The following PTPRO variants were observed in gnomAD, a reference collection of about 807,000 sequenced individuals.
The protein encoded by PTPRO is receptor-type tyrosine-protein phosphatase O.
Under a neutral mutation model 145.2 loss-of-function variants are expected in PTPRO, and 62 were observed. The ratio of observed to expected loss-of-function variants is 0.43; its 90% confidence interval spans 0.35 to 0.53. The LOEUF is 0.53. Ranked by LOEUF, PTPRO falls within the 20% of genes least tolerant of loss-of-function variation. The probability of loss-of-function intolerance (pLI) is 0.01; values close to 1 mark genes in which losing one functional copy is unlikely to be tolerated. For missense variants in PTPRO, 1,345 were observed against 1,482.7 expected, an observed-to-expected ratio of 0.91 and a Z score of 1.53; for synonymous variants, 565 against 514.7, an observed-to-expected ratio of 1.10 and a Z score of -1.32.
intron 1 of PTPRO, among the ~76,000 whole-genome samples, chr12:15,382,189 T>C (rs1199457151): frequency 2.7e-5 from 4 of 149,980 alleles, no homozygotes; most frequent in Non-Finnish European, 5.9e-5. Flanking sequence ...TATATTTATA[T>C]ATATGGGATT....
intron 1 of PTPRO, among the ~76,000 whole-genome samples, chr12:15,424,415 A>G (rs1940228296): frequency 6.6e-6 from 1 of 152,168 alleles, no homozygotes; most frequent in African/African-American, 2.4e-5. Context: ...TTATCCATGA[A>G]AATAAAACAG....
intron 1 of PTPRO, among the ~76,000 whole-genome samples, chr12:15,401,311 T>C (rs2136299311): frequency 6.6e-6 from 1 of 152,320 alleles, no homozygotes; most frequent in Non-Finnish European, 1.5e-5. Context: ...TCTCCCCATA[T>C]GCAACTATAA....
intron 25 of PTPRO, among the ~76,000 whole-genome samples, chr12:15,592,843 T>C (rs1367996354): frequency 6.6e-6 from 1 of 152,246 alleles, no homozygotes; most frequent in African/African-American, 2.4e-5. Context: ...TTTTATCGAA[T>C]ATTTTGTTTG....
chr12:15,382,866 G>A (rs926430738), intron 1 of PTPRO, among the ~76,000 whole-genome samples: 2 of 152,010 alleles, frequency 1.3e-5, no homozygotes, highest in African/African-American at 2.4e-5. Flanking sequence ...ATATTTATGG[G>A]GTACAGCGTT....
intron 12 of PTPRO, among the ~76,000 whole-genome samples, chr12:15,540,568 A>G (rs949158613): frequency 2.6e-5 from 4 of 152,262 alleles, no homozygotes; most frequent in African/African-American, 7.2e-5. Context: ...TTAATGAGTC[A>G]CATTAAAAGA....
At chr12:15,377,321 A>T (rs925477197) in intron 1 of PTPRO, among the ~76,000 whole-genome samples, 1 of 152,200 alleles carries the variant, frequency 6.6e-6, no homozygotes, top group South Asian at 2.1e-4. Context: ...GAGCTACTAT[A>T]ATGGCAAATG....
intron 15 of PTPRO, among the ~76,000 whole-genome samples, chr12:15,555,463 G>A (rs1943596212): frequency 1.3e-5 from 2 of 152,146 alleles, no homozygotes; most frequent in Admixed American, 1.3e-4. Flanking sequence ...GAAGCTAGGG[G>A]AACAATGTGT....
intron 3 of PTPRO, 78 bp from the exon 4 acceptor site, chr12:15,499,364 A>G (rs1942171374): frequency 1.4e-6 from 2 of 1,387,212 alleles, no homozygotes; most frequent in East Asian, 2.3e-5. Context: ...ATGTTTAGCC[A>G]TAATTGTTTC....
chr12:15,418,262 C>G (rs944337433), intron 1 of PTPRO, among the ~76,000 whole-genome samples: 3 of 151,708 alleles, frequency 2.0e-5, no homozygotes, highest in Admixed American at 2.0e-4. Flanking sequence ...ACAACAGGCC[C>G]TACATATTAG....
In PTPRO at chr12:15,501,980, T is replaced by C; in HGVS notation, c.1022T>C (p.Phe341Ser). 6.2e-7 allele frequency: 1 copy of C among 1,614,026 alleles called. No homozygotes were observed. Among genetic ancestry groups the C allele is most frequent in the Non-Finnish European group, 8.5e-7 (1 of 1,179,918 alleles). ...TCAACATCAGGCTCTTTCTCCTTTT[T>C]CCCTGTGCAAATGATATTGACCTGG... ...EKSTSGSFSF[F>S]PVQMILTWLP... is the part of the protein sequence containing the mutation. The change falls in exon 5 of 27, where the codon TTC (phenylalanine) becomes TCC (serine). Residue 341 changes from phenylalanine (F) to serine (S), a missense_variant. Transcript: ENST00000281171.
chr12:15,498,615 CTT>C (rs68164507), intron 3 of PTPRO, among the ~76,000 whole-genome samples: 81 of 151,984 alleles, frequency 5.3e-4, no homozygotes, highest in Non-Finnish European at 1.0e-3. Context: ...TTTTTTTAAA[CTT>C]TGAAAAAATC....
At chr12:15,440,100 T>C (rs1940719212) in intron 1 of PTPRO, 2 of 632,810 alleles carry the variant, frequency 3.2e-6, no homozygotes, top group Admixed American at 2.3e-5. Context: ...TCTGTGCTGG[T>C]GCACCTCATC....
At chr12:15,347,435 T>A (rs185467076) in intron 1 of PTPRO, among the ~76,000 whole-genome samples, 220 of 152,300 alleles carry the variant, frequency 1.4e-3, no homozygotes, top group African/African-American at 5.0e-3. Context: ...AAAGAGACTG[T>A]CTTATATTCA....
Position 15,456,443 on chromosome 12 carries a change from T to C in PTPRO, c.76-27531T>C, listed in dbSNP as rs77430400. ...GGCCTGTAGTTTGCTTTTCTTACAG[T>C]GTCTTTGTTTGGCATTGGTATCAGA... On this transcript the variant is annotated intron_variant, in intron 1 of 26. Coordinates refer to ENST00000281171, the MANE Select transcript of PTPRO (RefSeq NM_030667.3). Among the ~76,000 whole-genome samples, 360 of 152,292 alleles carry C rather than the reference T, an allele frequency of 2.4e-3. 3 individuals are homozygous for C. Among genetic ancestry groups the C allele is most frequent in the African/African-American group, 8.3e-3 (346 of 41,560 alleles).
intron 12 of PTPRO, among the ~76,000 whole-genome samples, chr12:15,530,838 C>T (rs1159273723): frequency 6.6e-6 from 1 of 151,860 alleles, no homozygotes; most frequent in Non-Finnish European, 1.5e-5. Context: ...AAAAGCAAAC[C>T]AAACACTAAA....
At chr12:15,530,904 A>G (rs547125680) in intron 12 of PTPRO, among the ~76,000 whole-genome samples, 34 of 152,228 alleles carry the variant, frequency 2.2e-4, no homozygotes, top group Non-Finnish European at 2.1e-4. Context: ...AATTGAGACT[A>G]AAAATAAATA....
rs184770481 is a variant in PTPRO at position 15,402,327 on chromosome 12, G to C, written c.75+79526G>C. ...CCCTTGAACCTGGGAGGCAGAGATT[G>C]CAGTGAGCAGAGATCATGCCACTGT... On this transcript the variant is annotated intron_variant, in intron 1 of 26. Coordinates refer to ENST00000281171, the MANE Select transcript of PTPRO (RefSeq NM_030667.3). Among the ~76,000 whole-genome samples the C allele has an allele frequency of 2.6e-5, 4 of 152,080 alleles. No individual in the cohort carries two copies. In the East Asian group the frequency reaches 7.7e-4, roughly 29 times the overall value.
At chr12:15,417,058 C>T (rs912648861) in intron 1 of PTPRO, among the ~76,000 whole-genome samples, 7 of 151,574 alleles carry the variant, frequency 4.6e-5, no homozygotes, top group African/African-American at 1.7e-4. Context: ...TTCTACCCTC[C>T]CATGATTCGT....
chr12:15,572,297 G>A (rs1190389486), intron 19 of PTPRO, among the ~76,000 whole-genome samples: 1 of 152,162 alleles, frequency 6.6e-6, no homozygotes. Flanking sequence ...TCTGCATTTT[G>A]AGTAAATTTC....
Sources: gnomAD v4.1 joint callset for allele counts (sites outside exome capture counted in the v4.1 genomes callset) on GRCh38, gnomAD v4.1.1 for gene constraint, MANE v1.5 for transcripts, NCBI Gene and HGNC (gene_info 2026-07-23, HGNC 2026-07-21) for gene names.